Variants in RBFOX1 observed in about 807,000 individuals in gnomAD.
The protein encoded by RBFOX1 is RNA binding fox-1 homolog 1.
A neutral mutation model predicts 57.7 loss-of-function variants in RBFOX1; 8 were observed. The observed-to-expected ratio is 0.14, with a 90% CI of 0.08 to 0.25. The LOEUF (loss-of-function observed/expected upper bound fraction) is 0.25, where lower values mean the gene tolerates loss of function less well. Ranked by LOEUF, RBFOX1 falls within the 10% of genes least tolerant of loss-of-function variation. The pLI, the probability that RBFOX1 is intolerant of heterozygous loss-of-function variation, is 1.00. For missense variants in RBFOX1, 611 were observed against 548.5 expected (o/e 1.11, Z -1.14); for synonymous variants, 326 against 222.4 (o/e 1.47, Z -4.15).
At chr16:5,310,063 A>G (rs978811116) in intron 1 of RBFOX1, among the ~76,000 whole-genome samples, 4 of 152,130 alleles carry the variant, frequency 2.6e-5, no homozygotes, top group Admixed American at 1.3e-4. Flanking sequence ...ATTCAGCTCT[A>G]ATGTTACCTC....
At chr16:6,318,090 TC>T (rs2081324864) in intron 2 of RBFOX1, among the ~76,000 whole-genome samples, 1 of 152,140 alleles carries the variant, frequency 6.6e-6, no homozygotes, top group Non-Finnish European at 1.5e-5. Flanking sequence ...CTTTCTATTG[TC>T]TTGGAATTTG....
At position 7,611,869 on chromosome 16, in the gene RBFOX1, C is replaced by A. The variant is rs925059398; in HGVS notation, c.676+4531C>A. Among the ~76,000 whole-genome samples the A allele has an allele frequency of 3.9e-5, 6 of 152,092 alleles. 1 individual carries two copies. In the South Asian group the frequency reaches 6.2e-4, roughly 16 times the overall value. On this transcript the variant is annotated intron_variant, in intron 10 of 15. Transcript: ENST00000550418. ...AATCTTTCTAAATGCTTATTCCGTG[C>A]CAGTCTTCAGAGCAGATACACATAC...
intron 2 of RBFOX1, among the ~76,000 whole-genome samples, chr16:6,560,149 G>C (rs1334187069): frequency 6.9e-6 from 1 of 144,338 alleles, no homozygotes; most frequent in Non-Finnish European, 1.5e-5. Flanking sequence ...CCCCATGCAT[G>C]GTAATCAATT....
chr16:6,829,630 C>G (rs1603629834), intron 3 of RBFOX1, among the ~76,000 whole-genome samples: 1 of 151,916 alleles, frequency 6.6e-6, no homozygotes, highest in Admixed American at 6.6e-5. Flanking sequence ...AAGACGGAGT[C>G]TCGCTCTGTC....
chr16:6,700,947 A>G (rs1277225356), intron 3 of RBFOX1, among the ~76,000 whole-genome samples: 2 of 152,122 alleles, frequency 1.3e-5, no homozygotes, highest in Non-Finnish European at 2.9e-5. Context: ...GGTTGGGTTC[A>G]CAGATAATCA....
intron 2 of RBFOX1, among the ~76,000 whole-genome samples, chr16:6,343,580 A>T (rs929365571): frequency 6.6e-6 from 1 of 152,000 alleles, no homozygotes; most frequent in Non-Finnish European, 1.5e-5. Context: ...TGCCACAAAC[A>T]ACAACAATAA....
At chr16:6,043,899 C>G (rs2095468851) in intron 1 of RBFOX1, among the ~76,000 whole-genome samples, 1 of 152,140 alleles carries the variant, frequency 6.6e-6, no homozygotes. Flanking sequence ...TGTCACTAAG[C>G]AGCCAGCCTC....
chr16:6,362,011 A>C (rs1305804191), intron 2 of RBFOX1, among the ~76,000 whole-genome samples: 4 of 152,180 alleles, frequency 2.6e-5, no homozygotes, highest in African/African-American at 9.6e-5. Context: ...CAAAGCCTTC[A>C]TGCTCAAGGA....
intron 1 of RBFOX1, among the ~76,000 whole-genome samples, chr16:5,311,444 G>A (rs367933524): frequency 1.3e-5 from 2 of 152,262 alleles, no homozygotes; most frequent in South Asian, 2.1e-4. Flanking sequence ...TTGAGTGATA[G>A]ATCTACATTT....
intron 3 of RBFOX1, among the ~76,000 whole-genome samples, chr16:5,628,621 A>G (rs1205433116): frequency 6.6e-6 from 1 of 152,214 alleles, no homozygotes; most frequent in East Asian, 1.9e-4. Flanking sequence ...ATAAGAGCGA[A>G]GATACCCCAA....
chr16:7,709,458 CTTTTTTTTT>C (rs2083551194), intron 15 of RBFOX1: 1 of 1,380,668 alleles, frequency 7.2e-7, no homozygotes, highest in Non-Finnish European at 9.5e-7. Flanking sequence ...TTTTTTTTTT[CTTTTTTTTT>C]CCCTCCCTTG....
At chr16:7,555,346 C>G (rs2088006586) in intron 5 of RBFOX1, among the ~76,000 whole-genome samples, 1 of 152,146 alleles carries the variant, frequency 6.6e-6, no homozygotes, top group South Asian at 2.1e-4. Context: ...AGTAGAAAGG[C>G]TGTGGAAATT....
intron 4 of RBFOX1, among the ~76,000 whole-genome samples, chr16:7,344,101 CTTTTTTT>C (rs61008217): frequency 4.0e-4 from 36 of 90,612 alleles, no homozygotes; most frequent in East Asian, 1.0e-3. Context: ...CTCAGCTTTA[CTTTTTTT>C]TTTTTTTTTT....
rs573086071 is a variant in RBFOX1, at chr16:5,946,280, C to G, written c.351+78945C>G. Among the ~76,000 whole-genome samples, 134 of 152,310 alleles carry G rather than the reference C, an allele frequency of 8.8e-4. 1 individual carries two copies. The highest frequency in any genetic ancestry group is 2.4e-3 in the Admixed American group (37 of 15,302). On this transcript the variant is annotated intron_variant, in intron 4 of 19. Transcript: ENST00000641259. The surrounding 1 kb of genome is among the most constrained non-coding windows in gnomAD (Gnocchi z 4.6). ...TTCTAATCTGTAAAAGGGACACAAT[C>G]ATAGGACCTCCCTCATAGGGTTATT...
chr16:7,134,212 T>A (rs2071292390), intron 4 of RBFOX1, among the ~76,000 whole-genome samples: 1 of 152,126 alleles, frequency 6.6e-6, no homozygotes, highest in Admixed American at 6.5e-5. Context: ...TTTATTGAGA[T>A]TTTTGCCATT....
chr16:7,466,463 T>G (rs1222348848), intron 4 of RBFOX1, among the ~76,000 whole-genome samples: 1 of 152,104 alleles, frequency 6.6e-6, no homozygotes, highest in African/African-American at 2.4e-5. Flanking sequence ...AGTAGCTCGG[T>G]TTTAAAAAGT....
intron 4 of RBFOX1, among the ~76,000 whole-genome samples, chr16:7,462,623 G>A (rs1246552993): frequency 6.6e-6 from 1 of 152,214 alleles, no homozygotes; most frequent in African/African-American, 2.4e-5. Context: ...GCAGAAGTTA[G>A]CAGGGCTTTG....
chr16:5,820,286 C>T (rs1056207988), intron 3 of RBFOX1, among the ~76,000 whole-genome samples: 38 of 152,138 alleles, frequency 2.5e-4, no homozygotes, highest in Non-Finnish European at 7.3e-5. Context: ...TCTTTGTCTT[C>T]GGCACATCAC....
At chr16:6,246,968 G>C (rs2097572667) in intron 1 of RBFOX1, among the ~76,000 whole-genome samples, 1 of 152,172 alleles carries the variant, frequency 6.6e-6, no homozygotes, top group African/African-American at 2.4e-5. Context: ...CGCTTGGGAG[G>C]CTGAGACAGG....
Sources: allele counts gnomAD v4.1 joint callset (sites outside exome capture counted in the v4.1 genomes callset), GRCh38; gene constraint gnomAD v4.1.1; non-coding constraint Gnocchi (gnomAD v3.1); transcripts MANE v1.5; gene names NCBI Gene and HGNC (gene_info 2026-07-23, HGNC 2026-07-21).